Variants in SIGLEC7 observed in about 807,000 individuals in gnomAD.
SIGLEC7 encodes the protein sialic acid binding Ig like lectin 7.
In SIGLEC7, 33 loss-of-function variants were observed where a neutral mutation model predicts 40.8. The ratio of observed to expected loss-of-function variants is 0.81; its 90% CI spans 0.61 to 1.08. The LOEUF (loss-of-function observed/expected upper bound fraction) is 1.08, where lower values mean the gene tolerates loss of function less well. Among genes scored for constraint, SIGLEC7 ranks in the 50% least tolerant of loss-of-function variants. The pLI is 0.00. For missense variants in SIGLEC7, 513 were observed against 576.1 expected (o/e 0.89, Z 1.12); for synonymous variants, 242 against 237.6 (o/e 1.02, Z -0.17).
In SIGLEC7 at chr19:51,145,852, C is replaced by G; in HGVS notation, c.761-3C>G. On this transcript the variant is annotated splice_polypyrimidine_tract_variant and splice_region_variant and intron_variant, in intron 3 of 6. Transcript: ENST00000317643. This position sits in a 1 kb window ranked among gnomAD's most constrained non-coding sequence, Gnocchi z 4.3. The stretch of plus-strand genomic sequence containing the variant: ...CTTTGAACCTCCAACTTTTTCTCTA[C>G]AGCATCCACAGCTCTGGGGAACAGC... 1.9e-6 allele frequency: 3 copies of G among 1,613,882 alleles called. No homozygotes were observed. Among genetic ancestry groups the G allele is most frequent in the Non-Finnish European group, 2.5e-6 (3 of 1,179,856 alleles).
In SIGLEC7 at chr19:51,142,629, T is replaced by C. The variant is rs762290614; in HGVS notation, c.260T>C (p.Val87Ala). 33 of 1,614,074 alleles carry C rather than the reference T, an allele frequency of 2.0e-5. No homozygotes were observed. The highest frequency in any genetic ancestry group is 2.6e-5 in the Non-Finnish European group (31 of 1,180,022). ...PVATNNPAWA[V>A]QEETRDRFHL... ...GCCACAAACAACCCAGCTTGGGCAG[T>C]GCAGGAGGAAACTCGGGACCGATTC... The change falls in exon 1 of 7, where the codon GTG becomes GCG. Residue 87 changes from valine (V) to alanine (A), a missense_variant. Physicochemically the swap from Val to Ala is moderately conservative, Grantham distance 64. Coordinates refer to ENST00000317643, the MANE Select transcript of SIGLEC7 (RefSeq NM_014385.4). This position sits in a 1 kb window ranked among gnomAD's most constrained non-coding sequence, Gnocchi z 5.0.
At chr19:51,144,364 T>C in intron 1 of SIGLEC7, 42 bp from the exon 2 acceptor site, 5 of 1,564,872 alleles carry the variant, frequency 3.2e-6, no homozygotes, top group Non-Finnish European at 4.3e-6. Context: ...GGCTGTACCA[T>C]GGATCCTCTG....
In SIGLEC7 at chr19:51,147,293, C is replaced by G. The variant is rs567788684; in HGVS notation, c.1197C>G (p.Asn399Lys). 8.1e-6 allele frequency: 13 copies of G among 1,611,560 alleles called. No individual in the cohort carries two copies. The East Asian group carries it at 2.9e-4, about 36-fold the overall frequency. ...DVGDIGMKDANTIRGSASQGN... is the reference protein window; with the variant it reads ...DVGDIGMKDAKTIRGSASQGN... Reference sequence around the variant, plus strand: ...GAGACATAGGCATGAAGGATGCAAACACCATCAGGGGCTCAGCCTCTCAGG... The same window carrying G: ...GAGACATAGGCATGAAGGATGCAAAGACCATCAGGGGCTCAGCCTCTCAGG... The change falls in exon 6 of 7, where the codon AAC becomes AAG. Residue 399 changes from asparagine to lysine, a missense_variant. Transcript: ENST00000317643.
At chr19:51,144,322 A>T in intron 1 of SIGLEC7, 84 bp from the exon 2 acceptor site, 1 of 1,518,842 alleles carries the variant, frequency 6.6e-7, no homozygotes, top group Non-Finnish European at 8.8e-7. Flanking sequence ...GGCTCAGGGC[A>T]GAAGCTGAAC....
intron 5 of SIGLEC7, 85 bp from the exon 6 acceptor site, chr19:51,147,136 C>T: frequency 6.3e-7 from 1 of 1,593,162 alleles, no homozygotes; most frequent in African/African-American, 1.3e-5. Context: ...TCCAGCGCCC[C>T]AACAGGAAAT....
chr19:51,145,091 C>T lies in SIGLEC7; in HGVS notation c.760+132C>T, dbSNP rs2092098999. ...TGTAGTTGAACCCAGGCCTCCTCCCCATCCTTAGCCTCTGTGGCCACCTGA... is the reference window on the plus strand; with the variant it reads ...TGTAGTTGAACCCAGGCCTCCTCCCTATCCTTAGCCTCTGTGGCCACCTGA... On this transcript the variant is annotated intron_variant, in intron 3 of 6. Coordinates refer to ENST00000317643, the MANE Select transcript of SIGLEC7 (RefSeq NM_014385.4). The surrounding 1 kb of genome is among the most constrained non-coding windows in gnomAD (Gnocchi z 4.3). 3.5e-6 allele frequency: 3 copies of T among 854,412 alleles called. No individual in the cohort carries two copies. The highest frequency in any genetic ancestry group is 1.7e-5 in the African/African-American group (1 of 60,160). 52.9% of individuals were successfully genotyped at this position (854,412 alleles called of 1,614,324 possible). A position where few individuals can be genotyped will look rare whatever the true frequency, so the allele number is the denominator to read the frequency against.
In SIGLEC7 at chr19:51,145,989, C is replaced by A; in HGVS notation, c.895C>A (p.Gln299Lys). The change falls in exon 4 of 7, where the codon CAG (glutamine) becomes AAG (lysine). Residue 299 changes from glutamine to lysine, a missense_variant. Gln to Lys is a moderately conservative substitution (Grantham distance 53). Coordinates refer to ENST00000317643, the MANE Select transcript of SIGLEC7 (RefSeq NM_014385.4). This position sits in a 1 kb window ranked among gnomAD's most constrained non-coding sequence, Gnocchi z 4.3. Reference sequence around the variant, plus strand: ...GAGGAGTCTGACCCTGTACCCCTCACAGCCCTCAAACCCTCTGGTACTGGA... The same window carrying A: ...GAGGAGTCTGACCCTGTACCCCTCAAAGCCCTCAAACCCTCTGGTACTGGA... ...TWRSLTLYPS[Q>K]PSNPLVLELQ... 6.2e-7 allele frequency: 1 copy of A among 1,614,218 alleles called. No homozygotes were observed. The highest frequency in any genetic ancestry group is 8.5e-7 in the Non-Finnish European group (1 of 1,180,040).
chr19:51,147,259 C>T lies in SIGLEC7; in HGVS notation c.1163C>T (p.Ala388Val), dbSNP rs139064618. 550 of 1,612,564 alleles carry T rather than the reference C, an allele frequency of 3.4e-4. No homozygotes were observed. Among genetic ancestry groups the T allele is most frequent in the Middle Eastern group, 9.9e-4 (6 of 6,040 alleles). Residue 388 changes from alanine to valine, a missense_variant, in exon 6 of 7, where the codon GCG becomes GTG. Coordinates refer to ENST00000317643, the MANE Select transcript of SIGLEC7 (RefSeq NM_014385.4). ...AGGAAGAAATCGGCAAGGCCAGCAG[C>T]GGACGTGGGAGACATAGGCATGAAG... ...SCRKKSARPA[A>V]DVGDIGMKDA...
intron 6 of SIGLEC7, among the ~76,000 whole-genome samples, chr19:51,150,481 C>T (rs376531842): frequency 5.9e-5 from 9 of 152,102 alleles, no homozygotes; most frequent in East Asian, 5.8e-4. Context: ...AACATGAAGC[C>T]GACTTGATCA....
At chr19:51,143,199 C>T (rs569552213) in intron 1 of SIGLEC7, among the ~76,000 whole-genome samples, 3 of 152,242 alleles carry the variant, frequency 2.0e-5, no homozygotes, top group South Asian at 4.1e-4. Flanking sequence ...CATTGTTAAA[C>T]GTCCTGGGGG....
At position 51,142,469 on chromosome 19, in the gene SIGLEC7, G is replaced by A. The variant is rs144363592; in HGVS notation, c.100G>A (p.Val34Met). 1.5e-3 allele frequency: 2,406 copies of A among 1,614,144 alleles called. 6 individuals are homozygous for A. The highest frequency in any genetic ancestry group is 0.011 in the Middle Eastern group (69 of 6,062). ...TTACTCGCTGACGATGCAGAGTTCC[G>A]TGACCGTGCAAGAGGGCATGTGTGT... Reference protein sequence around the residue: ...KDYSLTMQSSVTVQEGMCVHV... With the variant: ...KDYSLTMQSSMTVQEGMCVHV... The change falls in exon 1 of 7, where the codon GTG becomes ATG. Residue 34 changes from valine (V) to methionine (M), a missense_variant. Physicochemically the swap from Val to Met is conservative, Grantham distance 21. Coordinates refer to ENST00000317643, the MANE Select transcript of SIGLEC7 (RefSeq NM_014385.4). This position sits in a 1 kb window ranked among gnomAD's most constrained non-coding sequence, Gnocchi z 5.0.
chr19:51,145,106 T>C lies in SIGLEC7; in HGVS notation c.760+147T>C. 1.3e-6 allele frequency: 1 copy of C among 759,456 alleles called. No homozygotes were observed. Among genetic ancestry groups the C allele is most frequent in the Non-Finnish European group, 2.3e-6 (1 of 440,626 alleles). The allele number at this position is 759,456 out of a possible 1,614,324, so 47.0% of individuals were successfully genotyped here. Reference sequence around the variant, plus strand: ...GCCTCCTCCCCATCCTTAGCCTCTGTGGCCACCTGAGCACCTGTCCTCTTC... The same window carrying C: ...GCCTCCTCCCCATCCTTAGCCTCTGCGGCCACCTGAGCACCTGTCCTCTTC... On this transcript the variant is annotated intron_variant, in intron 3 of 6. Coordinates refer to ENST00000317643, the MANE Select transcript of SIGLEC7 (RefSeq NM_014385.4). This position sits in a 1 kb window ranked among gnomAD's most constrained non-coding sequence, Gnocchi z 4.3.
Position 51,145,042 on chromosome 19 carries a change from C to A in SIGLEC7, c.760+83C>A. On this transcript the variant is annotated intron_variant, in intron 3 of 6. Coordinates refer to ENST00000317643, the MANE Select transcript of SIGLEC7 (RefSeq NM_014385.4). This position sits in a 1 kb window ranked among gnomAD's most constrained non-coding sequence, Gnocchi z 4.3. ...GCCAGGTCCCTCCTCATCCTGGACT[C>A]ACCCTGGTGATATGAGACTCCCTTG... The A allele has an allele frequency of 7.4e-7, 1 of 1,357,680 alleles. No individual in the cohort carries two copies. Among genetic ancestry groups the A allele is most frequent in the Non-Finnish European group, 1.1e-6 (1 of 948,458 alleles). 84.1% of individuals were successfully genotyped at this position (1,357,680 alleles called of 1,614,324 possible). A position where few individuals can be genotyped will look rare whatever the true frequency, so the allele number is the denominator to read the frequency against.
At chr19:51,143,670 C>G (rs569698275) in intron 1 of SIGLEC7, among the ~76,000 whole-genome samples, 1 of 152,276 alleles carries the variant, frequency 6.6e-6, no homozygotes, top group Non-Finnish European at 1.5e-5. Context: ...TCTCCAGCCC[C>G]CTGTGGGTCC....
chr19:51,143,931 A>G (rs1454293934), intron 1 of SIGLEC7: 21 of 463,984 alleles, frequency 4.5e-5, no homozygotes, highest in African/African-American at 2.4e-4. Context: ...TAACCCTATT[A>G]CAACTGAACT....
intron 4 of SIGLEC7, 85 bp downstream of exon 4, chr19:51,146,206 C>T (rs950608586): frequency 9.8e-6 from 15 of 1,533,796 alleles, no homozygotes; most frequent in Non-Finnish European, 1.2e-5. Context: ...CAAGGGGGAG[C>T]TCAGCTCTGG....
In SIGLEC7 at chr19:51,142,634, G is replaced by A. The variant is rs773573916; in HGVS notation, c.265G>A (p.Glu89Lys). Residue 89 changes from glutamate to lysine, a missense_variant, in exon 1 of 7, where the codon GAG (glutamate) becomes AAG (lysine). By Grantham distance (56) the Glu-to-Lys change is moderately conservative. Transcript: ENST00000317643. The surrounding 1 kb of genome is among the most constrained non-coding windows in gnomAD (Gnocchi z 5.0). The part of the protein sequence containing the change: ...ATNNPAWAVQ[E>K]ETRDRFHLLG... ...AAACAACCCAGCTTGGGCAGTGCAGGAGGAAACTCGGGACCGATTCCACCT... is the reference window on the plus strand; with the variant it reads ...AAACAACCCAGCTTGGGCAGTGCAGAAGGAAACTCGGGACCGATTCCACCT... The A allele has an allele frequency of 6.2e-7, 1 of 1,614,172 alleles. No homozygotes were observed. The highest frequency in any genetic ancestry group is 8.5e-7 in the Non-Finnish European group (1 of 1,180,032).
At chr19:51,152,885 G>C (rs1309647865) in intron 6 of SIGLEC7, 178 bp from the exon 7 acceptor site, 2 of 468,614 alleles carry the variant, frequency 4.3e-6, no homozygotes, top group Non-Finnish European at 7.5e-6. Context: ...TTGCAGGAAA[G>C]TATAAATGAA....
chr19:51,144,242 C>A lies in SIGLEC7; in HGVS notation c.434-164C>A. ...TCCAGGAGACACCACAGGGAAAGGT[C>A]ATGGGGGTGGCAGCGAAAGCCTGGG... On this transcript the variant is annotated intron_variant, in intron 1 of 6. Transcript: ENST00000317643. 3 of 1,065,852 alleles carry A rather than the reference C, an allele frequency of 2.8e-6. No individual in the cohort carries two copies. In the South Asian group the frequency reaches 4.5e-5, roughly 16 times the overall value. The allele number at this position is 1,065,852 out of a possible 1,614,324, so 66.0% of individuals were successfully genotyped here.
Sources: allele counts gnomAD v4.1 joint callset (sites outside exome capture counted in the v4.1 genomes callset), GRCh38; gene constraint gnomAD v4.1.1; non-coding constraint Gnocchi (gnomAD v3.1); transcripts MANE v1.5; gene names NCBI Gene and HGNC (gene_info 2026-07-23, HGNC 2026-07-21).